RPH3A: variants seen among roughly 807,000 people sequenced by gnomAD.
RPH3A encodes rabphilin 3A.
Under a neutral mutation model 102.2 loss-of-function variants are expected in RPH3A, and 48 were observed. That is an observed-to-expected ratio of 0.47 (90% CI 0.37 to 0.60). The LOEUF (loss-of-function observed/expected upper bound fraction) is 0.60. Ranked by LOEUF, RPH3A falls within the 20% of genes least tolerant of loss-of-function variation. The probability of loss-of-function intolerance (pLI) is 0.00; values close to 1 mark genes in which losing one functional copy is unlikely to be tolerated. For synonymous variants in RPH3A, 310 were observed against 324.3 expected (o/e 0.96, Z 0.47); for missense variants, 781 against 910.1 (o/e 0.86, Z 1.83).
chr12:112,615,779 C>A (rs1267250778), intron 1 of RPH3A, among the ~76,000 whole-genome samples: 1 of 152,206 alleles, frequency 6.6e-6, no homozygotes, highest in Non-Finnish European at 1.5e-5. Flanking sequence ...GTCCCATTTA[C>A]TGGTGGGGTG....
chr12:112,630,106 A>G (rs1332455862), intron 1 of RPH3A, among the ~76,000 whole-genome samples: 1 of 151,996 alleles, frequency 6.6e-6, no homozygotes, highest in Non-Finnish European at 1.5e-5. Context: ...CTATCTGCCT[A>G]ACCACTCATC....
At chr12:112,871,663 A>G (rs1016315603) in intron 10 of RPH3A, among the ~76,000 whole-genome samples, 10 of 151,628 alleles carry the variant, frequency 6.6e-5, no homozygotes, top group Non-Finnish European at 1.5e-4. Flanking sequence ...CTGGGCATAA[A>G]TTAAGAATAC....
rs2042786612 is a variant in RPH3A at position 112,875,712 on chromosome 12, C to T, written c.917C>T (p.Pro306Leu). Residue 306 changes from proline to leucine, a missense_variant, in exon 12 of 22, where the codon CCA becomes CTA. Transcript: ENST00000389385. ...TPGGSRPGPG[P>L]AGRFPDQKPE... ...GGAGGAAGCAGACCGGGTCCTGGGC[C>T]AGCAGGACGCTTTCCAGATCAGAAG... is the stretch of plus-strand genomic sequence containing the variant. 3.1e-6 allele frequency: 5 copies of T among 1,613,828 alleles called. No individual in the cohort carries two copies. The African/African-American group carries it at 4.0e-5, about 13-fold the overall frequency.
intron 1 of RPH3A, among the ~76,000 whole-genome samples, chr12:112,615,741 C>A (rs1407388965): frequency 6.6e-6 from 1 of 152,162 alleles, no homozygotes; most frequent in Admixed American, 6.5e-5. Flanking sequence ...CTGCTGCCAA[C>A]TGAAGGCTCT....
At chr12:112,746,504 A>G (rs1451614691) in intron 1 of RPH3A, among the ~76,000 whole-genome samples, 1 of 151,918 alleles carries the variant, frequency 6.6e-6, no homozygotes, top group Non-Finnish European at 1.5e-5. Context: ...CAGGTGGGCC[A>G]AGCATAAGGC....
intron 1 of RPH3A, among the ~76,000 whole-genome samples, chr12:112,638,395 G>A (rs192286731): frequency 1.3e-5 from 2 of 152,210 alleles, no homozygotes; most frequent in East Asian, 1.9e-4. Flanking sequence ...TGTTACTTAC[G>A]CATATCTTAT....
At chr12:112,850,323 GGT>G (rs1473875424) in intron 5 of RPH3A, among the ~76,000 whole-genome samples, 3 of 151,952 alleles carry the variant, frequency 2.0e-5, no homozygotes, top group Non-Finnish European at 4.4e-5. Flanking sequence ...TTAATGGTGA[GGT>G]GTTTTTTTTT....
intron 1 of RPH3A, among the ~76,000 whole-genome samples, chr12:112,592,236 T>G (rs947078177): frequency 6.6e-6 from 1 of 151,900 alleles, no homozygotes; most frequent in Non-Finnish European, 1.5e-5. Context: ...AATTAGCCAG[T>G]CTCATAACCT....
chr12:112,742,602 C>T (rs1244186728), intron 1 of RPH3A, among the ~76,000 whole-genome samples: 4 of 152,066 alleles, frequency 2.6e-5, no homozygotes, highest in African/African-American at 7.2e-5. Context: ...TGAATACAGT[C>T]CAGGGAAACC....
chr12:112,740,013 T>C (rs183176120), intron 1 of RPH3A, among the ~76,000 whole-genome samples: 132 of 152,286 alleles, frequency 8.7e-4, no homozygotes, highest in African/African-American at 3.1e-3. Flanking sequence ...CCCTCCCTTA[T>C]AGCCTCAGCT....
chr12:112,695,663 G>A (rs2040345819), intron 1 of RPH3A, among the ~76,000 whole-genome samples: 1 of 152,230 alleles, frequency 6.6e-6, no homozygotes, highest in Admixed American at 6.5e-5. Context: ...CCCATTATAT[G>A]GAGTCCTAGA....
intron 1 of RPH3A, among the ~76,000 whole-genome samples, chr12:112,745,131 G>C (rs969936020): frequency 6.6e-6 from 1 of 152,110 alleles, no homozygotes. Context: ...CATCTTTGAC[G>C]CTTCCAGGCC....
intron 5 of RPH3A, among the ~76,000 whole-genome samples, chr12:112,852,331 A>G (rs1396663714): frequency 1.3e-5 from 2 of 152,334 alleles, no homozygotes; most frequent in East Asian, 1.9e-4. Context: ...TGAGGACAGG[A>G]AATAGATCCT....
At chr12:112,727,417 A>G (rs1344991632) in intron 1 of RPH3A, among the ~76,000 whole-genome samples, 1 of 144,152 alleles carries the variant, frequency 6.9e-6, no homozygotes, top group Admixed American at 7.0e-5. Flanking sequence ...ATATATATAT[A>G]TATACATACA....
intron 7 of RPH3A, among the ~76,000 whole-genome samples, chr12:112,867,129 C>G (rs553187626): frequency 1.5e-3 from 221 of 152,182 alleles, no homozygotes; most frequent in Admixed American, 3.5e-3. Context: ...TCCTTTCTCT[C>G]TCTCTATTCC....
intron 2 of RPH3A, among the ~76,000 whole-genome samples, chr12:112,799,796 CA>C (rs2041306393): frequency 6.6e-6 from 1 of 152,194 alleles, no homozygotes. Context: ...CCAAGCTTCT[CA>C]AACTTGAGCC....
At chr12:112,866,719 T>C (rs1308905679) in intron 6 of RPH3A, 38 bp from the exon 7 acceptor site, 1 of 1,562,352 alleles carries the variant, frequency 6.4e-7, no homozygotes, top group South Asian at 1.1e-5. Context: ...CCCATGAGCA[T>C]GGCTCATCTG....
chr12:112,862,256 T>C (rs2042532031), intron 5 of RPH3A, among the ~76,000 whole-genome samples: 1 of 151,322 alleles, frequency 6.6e-6, no homozygotes, highest in African/African-American at 2.4e-5. Context: ...AAAAAAAAAG[T>C]TAGCCGGGCA....
intron 2 of RPH3A, among the ~76,000 whole-genome samples, chr12:112,819,514 A>G (rs1472565668): frequency 2.6e-5 from 4 of 152,220 alleles, no homozygotes; most frequent in Non-Finnish European, 5.9e-5. Flanking sequence ...CTGGGTCTGA[A>G]GCCAGCAATT....
Sources: gnomAD v4.1 joint callset for allele counts (sites outside exome capture counted in the v4.1 genomes callset) on GRCh38, gnomAD v4.1.1 for gene constraint, MANE v1.5 for transcripts, NCBI Gene and HGNC (gene_info 2026-07-23, HGNC 2026-07-21) for gene names.